Variants in AOAH observed in about 807,000 individuals in gnomAD.
AOAH encodes the protein acyloxyacyl hydrolase.
A neutral mutation model predicts 92.2 loss-of-function variants in AOAH; 64 were observed. That is an observed-to-expected ratio of 0.69 (90% confidence interval 0.57 to 0.86). AOAH has a LOEUF of 0.86. Among genes scored for constraint, AOAH ranks in the 40% least tolerant of loss-of-function variants. AOAH has a pLI of 0.00. For missense variants in AOAH, 656 were observed against 694.6 expected (o/e 0.94, Z 0.62); for synonymous variants, 263 against 254.5 (o/e 1.03, Z -0.32).
chr7:36,517,938 CACACACCCA>C (rs1783897160), intron 20 of AOAH, among the ~76,000 whole-genome samples: 6 of 67,030 alleles, frequency 9.0e-5, no homozygotes, highest in African/African-American at 1.4e-4. Flanking sequence ...CACCCACACA[CACACACCCA>C]CACACACACA....
chr7:36,513,431 C>A, intron 20 of AOAH, 51 bp from the exon 21 acceptor site: 1 of 1,578,092 alleles, frequency 6.3e-7, no homozygotes, highest in Non-Finnish European at 8.6e-7. Flanking sequence ...GGACAAATCA[C>A]TTACCAACAA....
intron 2 of AOAH, among the ~76,000 whole-genome samples, chr7:36,681,182 TCA>T (rs1221585601): frequency 6.6e-6 from 1 of 152,232 alleles, no homozygotes; most frequent in Non-Finnish European, 1.5e-5. Context: ...TGACTGTTCT[TCA>T]CTGTTTTCCT....
At chr7:36,693,716 A>G (rs1006209193) in intron 1 of AOAH, among the ~76,000 whole-genome samples, 4 of 152,326 alleles carry the variant, frequency 2.6e-5, no homozygotes, top group Admixed American at 2.6e-4. Context: ...AACTATTATT[A>G]GGCGATAAAG....
chr7:36,646,371 A>G (rs1794224613), intron 4 of AOAH, among the ~76,000 whole-genome samples: 1 of 152,148 alleles, frequency 6.6e-6, no homozygotes, highest in Non-Finnish European at 1.5e-5. Flanking sequence ...TCTGTGGTCT[A>G]TTCTTATTTA....
At chr7:36,584,612 T>A (rs1789174962) in intron 12 of AOAH, among the ~76,000 whole-genome samples, 1 of 152,232 alleles carries the variant, frequency 6.6e-6, no homozygotes, top group South Asian at 2.1e-4. Flanking sequence ...TAATGTTAAT[T>A]GTGTGATTTA....
intron 1 of AOAH, among the ~76,000 whole-genome samples, chr7:36,709,066 T>C (rs1798603309): frequency 6.6e-6 from 1 of 152,148 alleles, no homozygotes. Flanking sequence ...ACTAGGGATA[T>C]GTAGAGAGCT....
intron 20 of AOAH, chr7:36,514,808 C>G: frequency 2.0e-6 from 1 of 499,820 alleles, no homozygotes; most frequent in Admixed American, 3.5e-5. Flanking sequence ...GGCAGCGTAG[C>G]CAACTCCCTC....
At chr7:36,523,949 C>T (rs1784249308) in intron 19 of AOAH, among the ~76,000 whole-genome samples, 2 of 152,040 alleles carry the variant, frequency 1.3e-5, no homozygotes, top group South Asian at 2.1e-4. Context: ...GTCTTTGTCC[C>T]ATCTCTCCTT....
Position 36,517,973 on chromosome 7 carries a change from A to G in AOAH, c.1599+4066T>C, listed in dbSNP as rs188205172. Among the ~76,000 whole-genome samples the G allele has an allele frequency of 8.4e-4, 114 of 135,512 alleles. 1 individual carries two copies. The East Asian group carries it at 0.017, about 20-fold the overall frequency. The allele number at this position is 135,512 out of a possible 152,430, so 88.9% of individuals were successfully genotyped here. A position where few individuals can be genotyped will look rare whatever the true frequency, so the allele number is the denominator to read the frequency against. On this transcript the variant is annotated intron_variant, in intron 20 of 20. Transcript: ENST00000617537. The stretch of plus-strand genomic sequence containing the variant: ...CACACACACACACACACACACACGC[A>G]CACACACACACTGGATTCCTCTTGA...
intron 4 of AOAH, among the ~76,000 whole-genome samples, chr7:36,656,951 A>G (rs1175669258): frequency 2.6e-5 from 4 of 151,690 alleles, no homozygotes; most frequent in African/African-American, 9.7e-5. Context: ...ATTCCACCTG[A>G]GCATTCATAC....
chr7:36,672,571 G>A (rs1795998868), intron 3 of AOAH, among the ~76,000 whole-genome samples: 1 of 152,150 alleles, frequency 6.6e-6, no homozygotes, highest in African/African-American at 2.4e-5. Flanking sequence ...GTTGAACAAT[G>A]CGAACACATG....
Position 36,724,127 on chromosome 7 carries a change from G to A in AOAH, c.22C>T (p.Leu8Phe), listed in dbSNP as rs1056392655. 1.2e-6 allele frequency: 2 copies of A among 1,613,330 alleles called. No individual in the cohort carries two copies. The highest frequency in any genetic ancestry group is 2.7e-5 in the African/African-American group (2 of 74,882). MQSPWKI[L>F]TVAPLFLLLS... Reference sequence around the variant, plus strand: ...AGCAAGAATAGAGGCGCCACCGTAAGGATTTTCCAGGGGGACTGCATCTCC... The same window carrying A: ...AGCAAGAATAGAGGCGCCACCGTAAAGATTTTCCAGGGGGACTGCATCTCC... Residue 8 changes from leucine (L) to phenylalanine (F), a missense_variant, in exon 1 of 21, where the codon CTT (leucine) becomes TTT (phenylalanine). Coordinates refer to ENST00000617537, the MANE Select transcript of AOAH (RefSeq NM_001637.4).
At chr7:36,714,042 G>T (rs747294003) in intron 1 of AOAH, among the ~76,000 whole-genome samples, 2 of 152,058 alleles carry the variant, frequency 1.3e-5, no homozygotes, top group African/African-American at 4.8e-5. Flanking sequence ...CCTGGAGCTG[G>T]TTTTTTGAAA....
In AOAH at chr7:36,637,966, A is replaced by C. The variant is rs113271687; in HGVS notation, c.391-56T>G. 26 of 1,399,216 alleles carry C rather than the reference A, an allele frequency of 1.9e-5. No individual in the cohort carries two copies. The African/African-American group carries it at 2.3e-4, about 12-fold the overall frequency. 86.7% of individuals were successfully genotyped at this position (1,399,216 alleles called of 1,614,324 possible). A position where few individuals can be genotyped will look rare whatever the true frequency, so the allele number is the denominator to read the frequency against. Reference sequence around the variant, plus strand: ...CTCATGTTTTATCTTTTCTTCCTACATCTTTTCTAAAATTAGGATATTTAA... The same window carrying C: ...CTCATGTTTTATCTTTTCTTCCTACCTCTTTTCTAAAATTAGGATATTTAA... On this transcript the variant is annotated intron_variant, in intron 4 of 20. Coordinates refer to ENST00000617537, the MANE Select transcript of AOAH (RefSeq NM_001637.4).
intron 11 of AOAH, among the ~76,000 whole-genome samples, chr7:36,603,081 C>T (rs1790724123): frequency 6.6e-6 from 1 of 152,130 alleles, no homozygotes. Flanking sequence ...TCACAGGGAG[C>T]TTCTTTAAAG....
intron 13 of AOAH, among the ~76,000 whole-genome samples, chr7:36,557,905 T>C (rs929763829): frequency 3.9e-5 from 6 of 152,070 alleles, no homozygotes; most frequent in African/African-American, 1.4e-4. Flanking sequence ...TTTCAAAGTT[T>C]TCAACTTCTT....
chr7:36,660,473 G>T (rs1451868561), intron 3 of AOAH, among the ~76,000 whole-genome samples: 2 of 152,106 alleles, frequency 1.3e-5, no homozygotes, highest in African/African-American at 4.8e-5. Flanking sequence ...CCACCACCAT[G>T]CTTGGCTAAG....
chr7:36,654,029 A>G (rs1194651328), intron 4 of AOAH, among the ~76,000 whole-genome samples: 1 of 149,470 alleles, frequency 6.7e-6, no homozygotes, highest in Non-Finnish European at 1.5e-5. Flanking sequence ...TCAATTTGTG[A>G]GCTGTGGTGT....
intron 12 of AOAH, among the ~76,000 whole-genome samples, chr7:36,584,007 C>T (rs1339267560): frequency 6.6e-6 from 1 of 152,210 alleles, no homozygotes; most frequent in Non-Finnish European, 1.5e-5. Context: ...TTCTGTGAAA[C>T]ACCAGTTTCT....
Sources: allele counts gnomAD v4.1 joint callset (sites outside exome capture counted in the v4.1 genomes callset), GRCh38; gene constraint gnomAD v4.1.1; transcripts MANE v1.5; gene names NCBI Gene and HGNC (gene_info 2026-07-23, HGNC 2026-07-21).